JADE1: variants seen among roughly 807,000 people sequenced by gnomAD.
JADE1 encodes the protein protein Jade-1.
Under a neutral mutation model 81.8 loss-of-function variants are expected in JADE1, and 14 were observed. That is an observed-to-expected ratio of 0.17 (90% CI 0.11 to 0.27). The LOEUF (loss-of-function observed/expected upper bound fraction) is 0.27, where lower values mean the gene tolerates loss of function less well. Ranked by LOEUF, JADE1 falls within the 10% of genes least tolerant of loss-of-function variation. JADE1 has a pLI of 1.00. For missense variants in JADE1, 690 were observed against 1,047.9 expected, an observed-to-expected ratio of 0.66 and a Z score of 4.71; for synonymous variants, 353 against 391.9, an observed-to-expected ratio of 0.90 and a Z score of 1.17.
intron 2 of JADE1, among the ~76,000 whole-genome samples, chr4:128,836,997 T>A (rs1370758706): frequency 1.3e-5 from 2 of 152,228 alleles, no homozygotes; most frequent in Non-Finnish European, 2.9e-5. Context: ...TCTCATTCCT[T>A]ACTTCACAAA....
At chr4:128,839,772 G>A (rs2125843125) in intron 2 of JADE1, among the ~76,000 whole-genome samples, 1 of 152,278 alleles carries the variant, frequency 6.6e-6, no homozygotes, top group East Asian at 1.9e-4. Context: ...CACTGTGATG[G>A]TGTTCCACTG....
At chr4:128,812,414 G>A (rs1009732589) in intron 1 of JADE1, among the ~76,000 whole-genome samples, 2 of 151,998 alleles carry the variant, frequency 1.3e-5, no homozygotes, top group South Asian at 2.1e-4. Flanking sequence ...GCCGCTGCGG[G>A]GCGGCGGCCG....
At chr4:128,836,507 C>T (rs73850003) in intron 2 of JADE1, among the ~76,000 whole-genome samples, 2,339 of 151,990 alleles carry the variant, frequency 0.015, 52 homozygotes, top group African/African-American at 0.048. Context: ...GAAGAGAAGG[C>T]GTGGGTCTTG....
At chr4:128,863,019 T>G in intron 9 of JADE1, 1 of 985,472 alleles carries the variant, frequency 1.0e-6, no homozygotes, top group Non-Finnish European at 1.2e-6. Flanking sequence ...GCCCCAGTCA[T>G]GCTCAGCACG....
At chr4:128,861,012 C>T (rs920725188) in intron 8 of JADE1, among the ~76,000 whole-genome samples, 10 of 152,170 alleles carry the variant, frequency 6.6e-5, no homozygotes, top group African/African-American at 2.2e-4. Flanking sequence ...GTTTCTCCTT[C>T]GTGCTGCTTC....
intron 7 of JADE1, among the ~76,000 whole-genome samples, chr4:128,856,602 A>G (rs1000908324): frequency 3.3e-5 from 5 of 152,214 alleles, no homozygotes; most frequent in Non-Finnish European, 7.3e-5. Flanking sequence ...TTTTAATTTC[A>G]GGTCTGGTCT....
At chr4:128,816,322 A>T (rs1468994687) in intron 1 of JADE1, 2 of 152,154 alleles carry the variant, frequency 1.3e-5, no homozygotes, top group Admixed American at 1.3e-4. Flanking sequence ...TTGGTTTGTG[A>T]TCATGAGGGT....
At chr4:128,853,068 G>A (rs1303843295) in intron 6 of JADE1, among the ~76,000 whole-genome samples, 1 of 151,986 alleles carries the variant, frequency 6.6e-6, no homozygotes, top group Non-Finnish European at 1.5e-5. Flanking sequence ...GCTAGAGATG[G>A]GGTTTCACTA....
At chr4:128,850,888 C>T (rs188285920) in intron 5 of JADE1, among the ~76,000 whole-genome samples, 5 of 152,254 alleles carry the variant, frequency 3.3e-5, no homozygotes, top group South Asian at 2.1e-4. Flanking sequence ...ATAACATAAA[C>T]GGAACGCATG....
intron 9 of JADE1, chr4:128,863,206 G>C (rs764495955): frequency 1.0e-5 from 10 of 985,408 alleles, no homozygotes; most frequent in Non-Finnish European, 1.2e-5. Flanking sequence ...TGAGGCGTGG[G>C]CTGCCTCCCG....
In JADE1 at chr4:128,825,409, A is replaced by G. The variant is rs552958182; in HGVS notation, c.-26-6324A>G. Among the ~76,000 whole-genome samples the G allele has an allele frequency of 3.3e-5, 5 of 152,090 alleles. No homozygotes were observed. The South Asian group carries it at 6.2e-4, about 19-fold the overall frequency. ...TCTCATTCTTTCTTAGAATCATCACATCAGTCATGACCACGCCCAGGTCAC... is the reference window on the plus strand; with the variant it reads ...TCTCATTCTTTCTTAGAATCATCACGTCAGTCATGACCACGCCCAGGTCAC... On this transcript the variant is annotated intron_variant, in intron 1 of 10. Coordinates refer to ENST00000226319, the MANE Select transcript of JADE1 (RefSeq NM_199320.4).
At chr4:128,816,554 T>G (rs1727046934) in intron 1 of JADE1, 1 of 152,158 alleles carries the variant, frequency 6.6e-6, no homozygotes, top group Non-Finnish European at 1.5e-5. Flanking sequence ...GCCCAGGACT[T>G]GAATGATTAT....
chr4:128,863,830 G>A, intron 9 of JADE1: 1 of 985,472 alleles, frequency 1.0e-6, no homozygotes, highest in African/African-American at 1.7e-5. Context: ...ATGAGCTATG[G>A]AGTCAGATAG....
intron 9 of JADE1, among the ~76,000 whole-genome samples, chr4:128,867,420 GA>G (rs1452687931): frequency 6.6e-6 from 1 of 152,232 alleles, no homozygotes; most frequent in East Asian, 1.9e-4. Context: ...ATAAAGTGCA[GA>G]AGTGGCTTCT....
rs116607852 is a variant in JADE1 at position 128,872,542 on chromosome 4, T to C, written c.*280T>C. 982 of 361,000 alleles carry C rather than the reference T, an allele frequency of 2.7e-3. 9 individuals are homozygous for C. The highest frequency in any genetic ancestry group is 0.019 in the African/African-American group (906 of 48,892). The allele number at this position is 361,000 out of a possible 1,614,324, so 22.4% of individuals were successfully genotyped here. The stretch of plus-strand genomic sequence containing the variant: ...ACACTAAAATAAAAATGAAATGTTT[T>C]AAAGAAGGCAAGGCTTAAATAAGCC... On this transcript the variant is annotated 3_prime_UTR_variant, in exon 11 of 11. Transcript: ENST00000226319.
intron 5 of JADE1, among the ~76,000 whole-genome samples, chr4:128,851,227 C>CT (rs1159092649): frequency 2.0e-5 from 3 of 152,144 alleles, no homozygotes; most frequent in South Asian, 2.1e-4. Context: ...GTGTTTCAGT[C>CT]TTTTTTGCAT....
At chr4:128,812,779 G>A (rs980281909) in intron 1 of JADE1, among the ~76,000 whole-genome samples, 3 of 152,264 alleles carry the variant, frequency 2.0e-5, no homozygotes, top group African/African-American at 7.2e-5. Flanking sequence ...GAGGGCTGGC[G>A]CCCTGCCTTA....
chr4:128,858,080 C>T (rs1021098631), intron 8 of JADE1, among the ~76,000 whole-genome samples: 10 of 151,944 alleles, frequency 6.6e-5, no homozygotes, highest in African/African-American at 2.2e-4. Context: ...TGGCACCAGG[C>T]GCGCATGCAC....
At chr4:128,866,336 G>A (rs1731778958) in intron 9 of JADE1, among the ~76,000 whole-genome samples, 1 of 152,234 alleles carries the variant, frequency 6.6e-6, no homozygotes, top group Non-Finnish European at 1.5e-5. Flanking sequence ...AAAAAGATGG[G>A]AAGATCCGTA....
Sources: allele counts gnomAD v4.1 joint callset (sites outside exome capture counted in the v4.1 genomes callset), GRCh38; gene constraint gnomAD v4.1.1; transcripts MANE v1.5; gene names NCBI Gene and HGNC (gene_info 2026-07-23, HGNC 2026-07-21).